PTPRO: variants seen among roughly 807,000 people sequenced by gnomAD.
PTPRO encodes receptor-type tyrosine-protein phosphatase O.
A neutral mutation model predicts 145.2 loss-of-function variants in PTPRO; 62 were observed. That is an observed-to-expected ratio of 0.43 (90% CI 0.35 to 0.53). The LOEUF is 0.53. Among genes scored for constraint, PTPRO ranks in the 20% least tolerant of loss-of-function variants. The pLI is 0.01. For synonymous variants in PTPRO, 565 were observed against 514.7 expected (o/e 1.10, Z -1.32); for missense variants, 1,345 against 1,482.7 (o/e 0.91, Z 1.53).
At chr12:15,554,345 C>G (rs1943558415) in intron 15 of PTPRO, among the ~76,000 whole-genome samples, 2 of 150,982 alleles carry the variant, frequency 1.3e-5, no homozygotes, top group South Asian at 4.2e-4. Flanking sequence ...TCTAGAGGGT[C>G]AAAACTAATA....
At chr12:15,442,747 C>CCA (rs1940803703) in intron 1 of PTPRO, among the ~76,000 whole-genome samples, 1 of 151,872 alleles carries the variant, frequency 6.6e-6, no homozygotes, top group African/African-American at 2.4e-5. Context: ...TTTACAATAG[C>CCA]CACACACACA....
chr12:15,508,401 T>C (rs1591664767), intron 6 of PTPRO, among the ~76,000 whole-genome samples, 170 bp from the exon 7 acceptor site: 3 of 151,848 alleles, frequency 2.0e-5, no homozygotes, highest in Admixed American at 6.6e-5. Context: ...GGTCAAGGAG[T>C]AGAGGGTTGC....
At chr12:15,496,590 G>T (rs762595223) in intron 2 of PTPRO, among the ~76,000 whole-genome samples, 2 of 152,138 alleles carry the variant, frequency 1.3e-5, no homozygotes, top group Non-Finnish European at 2.9e-5. Context: ...TTTAAAAAAT[G>T]AGTATTTTTA....
chr12:15,355,014 C>G (rs1937939043), intron 1 of PTPRO, among the ~76,000 whole-genome samples: 1 of 151,948 alleles, frequency 6.6e-6, no homozygotes, highest in South Asian at 2.1e-4. Context: ...CTTCTTTGTT[C>G]TATTATTTTT....
chr12:15,385,708 A>C (rs901621181), intron 1 of PTPRO, among the ~76,000 whole-genome samples: 4 of 148,918 alleles, frequency 2.7e-5, no homozygotes, highest in Non-Finnish European at 5.9e-5. Context: ...GCTACTCAGG[A>C]GGCTGAGGCA....
chr12:15,549,153 C>G lies in PTPRO; in HGVS notation c.2364C>G (p.Ala788=). 6.2e-7 allele frequency: 1 copy of G among 1,613,526 alleles called. No individual in the cohort carries two copies. The highest frequency in any genetic ancestry group is 1.3e-5 in the African/African-American group (1 of 74,958). Residue 788 remains alanine, a synonymous_variant, in exon 14 of 27, where the codon GCC becomes GCG. Transcript: ENST00000281171. ...TCTCCAGCCTTCTTCCTGCCACTGC[C>G]TACAATTGTAGTGTCACCAGCTTTA... ...VTISSLLPAT[A]YNCSVTSFSH...
At chr12:15,480,641 G>C (rs1387708124) in intron 1 of PTPRO, among the ~76,000 whole-genome samples, 2 of 152,152 alleles carry the variant, frequency 1.3e-5, no homozygotes, top group African/African-American at 4.8e-5. Flanking sequence ...CCTCAGGCCA[G>C]AAAGACTGAG....
chr12:15,385,034 G>C (rs573418893), intron 1 of PTPRO, among the ~76,000 whole-genome samples: 15 of 152,108 alleles, frequency 9.9e-5, no homozygotes, highest in Non-Finnish European at 1.8e-4. Context: ...TAAACATAGT[G>C]TCATAACCTT....
At chr12:15,517,817 C>T (rs1261445895) in intron 9 of PTPRO, among the ~76,000 whole-genome samples, 5 of 152,348 alleles carry the variant, frequency 3.3e-5, no homozygotes, top group East Asian at 3.9e-4. Flanking sequence ...GGCAGTTCCA[C>T]TCCTATGGCT....
At chr12:15,411,441 G>T (rs1939797365) in intron 1 of PTPRO, among the ~76,000 whole-genome samples, 1 of 152,202 alleles carries the variant, frequency 6.6e-6, no homozygotes, top group African/African-American at 2.4e-5. Context: ...CACATTCTTT[G>T]TTCTTCCTGG....
rs370638558 is a variant in PTPRO at position 15,484,007 on chromosome 12, G to A, written c.109G>A (p.Asp37Asn). 5 of 1,613,450 alleles carry A rather than the reference G, an allele frequency of 3.1e-6. No individual in the cohort carries two copies. Among genetic ancestry groups the A allele is most frequent in the Non-Finnish European group, 4.2e-6 (5 of 1,179,574 alleles). ...AGCTTTCCATGTAACTGTCCAAGAT[G>A]ATAATAACATCGTTGTCTCATTAGA... ...ATAFHVTVQD[D>N]NNIVVSLEAS... Residue 37 changes from aspartate to asparagine, a missense_variant, in exon 2 of 27, where the codon GAT becomes AAT. Physicochemically the swap from Asp to Asn is conservative, Grantham distance 23 (BLOSUM62 1). This residue lies in a region of PTPRO where 1,130 missense variants were observed against 1,214.7 expected (regional missense o/e 0.93). Transcript: ENST00000281171.
intron 13 of PTPRO, among the ~76,000 whole-genome samples, chr12:15,547,825 G>A (rs1943334589): frequency 6.6e-6 from 1 of 152,152 alleles, no homozygotes; most frequent in Admixed American, 6.5e-5. Flanking sequence ...GAAAGAGAAG[G>A]AAGTGGAAGA....
At chr12:15,515,743 C>A in intron 8 of PTPRO, 125 bp downstream of exon 8, 2 of 1,228,682 alleles carry the variant, frequency 1.6e-6, no homozygotes, top group Non-Finnish European at 2.4e-6. Flanking sequence ...ATCCAATATG[C>A]TACCTTCAGA....
At chr12:15,351,571 G>A (rs1279205384) in intron 1 of PTPRO, among the ~76,000 whole-genome samples, 1 of 152,170 alleles carries the variant, frequency 6.6e-6, no homozygotes, top group East Asian at 1.9e-4. Flanking sequence ...TTAGCTTTGG[G>A]GGCCAGTTTT....
chr12:15,512,107 G>A (rs7313043), intron 7 of PTPRO, among the ~76,000 whole-genome samples: 1 of 150,050 alleles, frequency 6.7e-6, no homozygotes, highest in Non-Finnish European at 1.5e-5. Flanking sequence ...ATGTTTTTTT[G>A]TTTGTTTGTT....
intron 1 of PTPRO, among the ~76,000 whole-genome samples, chr12:15,442,962 G>GA (rs568144362): frequency 2.0e-5 from 3 of 151,566 alleles, no homozygotes; most frequent in Non-Finnish European, 2.9e-5. Context: ...CACAGAGCTA[G>GA]AAAAAAAACT....
intron 1 of PTPRO, chr12:15,439,435 A>C (rs1463110769): frequency 1.7e-5 from 3 of 179,672 alleles, no homozygotes; most frequent in Non-Finnish European, 3.5e-5. Context: ...ATTAACCTTA[A>C]ATTTTAATGG....
intron 1 of PTPRO, among the ~76,000 whole-genome samples, chr12:15,389,709 G>A (rs1939135832): frequency 6.6e-6 from 1 of 152,124 alleles, no homozygotes; most frequent in Non-Finnish European, 1.5e-5. Flanking sequence ...GATAGAATTT[G>A]TGTTTAACTC....
In PTPRO at chr12:15,415,540, A is replaced by G. The variant is rs910036447; in HGVS notation, c.76-68434A>G. On this transcript the variant is annotated intron_variant, in intron 1 of 26. Coordinates refer to ENST00000281171, the MANE Select transcript of PTPRO (RefSeq NM_030667.3). ...GCTGGGACTACAGGCACCTGCCACC[A>G]CACCCGGCTAATTTTTTGTATTTTT... 2.0e-5 allele frequency among the ~76,000 whole-genome samples: 3 copies of G among 151,536 alleles called. 1 individual carries two copies. The highest frequency in any genetic ancestry group is 2.0e-4 in the Admixed American group (3 of 15,264).
Sources: gnomAD v4.1 joint callset for allele counts (sites outside exome capture counted in the v4.1 genomes callset) on GRCh38, gnomAD v4.1.1 for gene constraint, gnomAD v4.1.1 regional missense constraint, MANE v1.5 for transcripts, NCBI Gene and HGNC (gene_info 2026-07-23, HGNC 2026-07-21) for gene names.